The following ROBO1 variants were observed in gnomAD, a reference collection of about 807,000 sequenced individuals.
The protein encoded by ROBO1 is roundabout homolog 1.
Under a neutral mutation model 195.9 loss-of-function variants are expected in ROBO1, and 149 were observed. The observed-to-expected ratio is 0.76, with a 90% CI of 0.67 to 0.87. The LOEUF is 0.87. ROBO1 is among the 40% of genes least tolerant of loss of function. The probability of loss-of-function intolerance (pLI) is 0.00; values close to 1 mark genes in which losing one functional copy is unlikely to be tolerated. For synonymous variants in ROBO1, 816 were observed against 733.2 expected, an observed-to-expected ratio of 1.11 and a Z score of -1.82; for missense variants, 1,933 against 2,068.3, an observed-to-expected ratio of 0.93 and a Z score of 1.27.
At chr3:79,238,167 C>T (rs185341900) in intron 2 of ROBO1, among the ~76,000 whole-genome samples, 6 of 152,274 alleles carry the variant, frequency 3.9e-5, no homozygotes, top group East Asian at 3.9e-4. Context: ...TTATTTAGTA[C>T]ATTTTCAATT....
chr3:79,597,602 C>A (rs1439732587), intron 1 of ROBO1, among the ~76,000 whole-genome samples: 1 of 151,962 alleles, frequency 6.6e-6, no homozygotes, highest in African/African-American at 2.4e-5. Flanking sequence ...CAGGCAAATG[C>A]TATACCTTTA....
intron 4 of ROBO1, among the ~76,000 whole-genome samples, chr3:78,831,698 T>C (rs2032225470): frequency 1.3e-5 from 2 of 152,208 alleles, no homozygotes; most frequent in African/African-American, 4.8e-5. Flanking sequence ...CAAGACTGTG[T>C]AATTTATAAA....
intron 2 of ROBO1, among the ~76,000 whole-genome samples, chr3:79,165,848 A>G (rs2081054165): frequency 6.6e-6 from 1 of 152,216 alleles, no homozygotes; most frequent in Admixed American, 6.5e-5. Context: ...TGATGTGATT[A>G]AGTCCATAAT....
At chr3:78,610,358 T>C (rs1703738369) in intron 28 of ROBO1, among the ~76,000 whole-genome samples, 1 of 152,180 alleles carries the variant, frequency 6.6e-6, no homozygotes, top group African/African-American at 2.4e-5. Context: ...GAAAACAGGC[T>C]GTATCAAGTA....
At chr3:79,328,029 CA>C (rs1390403417) in intron 2 of ROBO1, among the ~76,000 whole-genome samples, 1 of 151,924 alleles carries the variant, frequency 6.6e-6, no homozygotes, top group Non-Finnish European at 1.5e-5. Context: ...AGCTATTAAC[CA>C]AGTATATTTT....
At chr3:78,613,766 T>C (rs953651770) in intron 28 of ROBO1, among the ~76,000 whole-genome samples, 4 of 152,226 alleles carry the variant, frequency 2.6e-5, no homozygotes, top group African/African-American at 9.6e-5. Flanking sequence ...GATAAGGATC[T>C]ATAATATTAG....
chr3:79,252,149 T>C (rs1413068059), intron 2 of ROBO1, among the ~76,000 whole-genome samples: 2 of 152,312 alleles, frequency 1.3e-5, no homozygotes, highest in East Asian at 3.9e-4. Context: ...ACGTATTTTA[T>C]TATTTCTGGT....
intron 1 of ROBO1, among the ~76,000 whole-genome samples, chr3:79,686,209 T>G (rs1947107972): frequency 6.6e-6 from 1 of 152,194 alleles, no homozygotes; most frequent in Non-Finnish European, 1.5e-5. Context: ...TAGGTATTGA[T>G]GGGACATATC....
At chr3:79,197,511 G>A (rs1576802147) in intron 2 of ROBO1, among the ~76,000 whole-genome samples, 1 of 152,026 alleles carries the variant, frequency 6.6e-6, no homozygotes. Context: ...GTGTGCATGT[G>A]TCTTTATAGT....
chr3:78,612,193 A>G (rs183291556), intron 28 of ROBO1, among the ~76,000 whole-genome samples: 131 of 152,338 alleles, frequency 8.6e-4, no homozygotes, highest in African/African-American at 3.1e-3. Context: ...CTGACAAACC[A>G]TATTCTGAAC....
At chr3:78,793,446 A>G (rs917766288) in intron 4 of ROBO1, among the ~76,000 whole-genome samples, 1 of 152,208 alleles carries the variant, frequency 6.6e-6, no homozygotes, top group Non-Finnish European at 1.5e-5. Context: ...TTCTGATTAT[A>G]CTTAGCCTTA....
At chr3:79,233,267 T>G (rs1248951300) in intron 2 of ROBO1, among the ~76,000 whole-genome samples, 1 of 152,092 alleles carries the variant, frequency 6.6e-6, no homozygotes, top group East Asian at 1.9e-4. Context: ...CAAATGGGAC[T>G]TTATTTCTAT....
At chr3:78,625,602 G>A (rs934773915) in intron 26 of ROBO1, among the ~76,000 whole-genome samples, 1 of 152,136 alleles carries the variant, frequency 6.6e-6, no homozygotes, top group Admixed American at 6.6e-5. Flanking sequence ...GGATGATGGC[G>A]TAAAGGCGAG....
intron 3 of ROBO1, among the ~76,000 whole-genome samples, chr3:79,057,493 C>T (rs2078833393): frequency 1.3e-5 from 2 of 152,100 alleles, no homozygotes; most frequent in Middle Eastern, 3.4e-3. Flanking sequence ...AGCTGGCACA[C>T]CAAATCAAAA....
At chr3:78,655,843 T>C (rs1352077920) in intron 18 of ROBO1, among the ~76,000 whole-genome samples, 3 of 152,214 alleles carry the variant, frequency 2.0e-5, no homozygotes, top group African/African-American at 7.2e-5. Flanking sequence ...TAATAACATA[T>C]ACTAATATTT....
intron 2 of ROBO1, among the ~76,000 whole-genome samples, chr3:79,296,735 G>A (rs1163385212): frequency 6.6e-6 from 1 of 152,134 alleles, no homozygotes; most frequent in Non-Finnish European, 1.5e-5. Flanking sequence ...AGTCTCCTTT[G>A]AGAGAGACCT....
At position 79,626,361 on chromosome 3, in the gene ROBO1, C is replaced by A. The variant is rs375464985; in HGVS notation, c.-50-36400G>T. Among the ~76,000 whole-genome samples the A allele has an allele frequency of 1.1e-4, 16 of 152,074 alleles. 1 individual carries two copies. Among genetic ancestry groups the A allele is most frequent in the African/African-American group, 3.9e-4 (16 of 41,504 alleles). The stretch of plus-strand genomic sequence containing the variant: ...CCGAGGCAGGAATATCACTTGAACC[C>A]GGGAGGTGGAGCTTGCAGTGAGCCA... On this transcript the variant is annotated intron_variant, in intron 1 of 30. Transcript: ENST00000464233.
At chr3:78,740,027 A>C (rs2082486781) in intron 5 of ROBO1, among the ~76,000 whole-genome samples, 1 of 152,192 alleles carries the variant, frequency 6.6e-6, no homozygotes. Flanking sequence ...AGATGTAGTG[A>C]CTGCATTAGC....
intron 2 of ROBO1, among the ~76,000 whole-genome samples, chr3:79,311,618 A>G (rs998398773): frequency 2.4e-4 from 37 of 152,172 alleles, no homozygotes; most frequent in African/African-American, 8.2e-4. Context: ...GTTGAGGAAG[A>G]CAACTGAAAT....
Sources: gnomAD v4.1 joint callset for allele counts (sites outside exome capture counted in the v4.1 genomes callset) on GRCh38, gnomAD v4.1.1 for gene constraint, MANE v1.5 for transcripts, NCBI Gene and HGNC (gene_info 2026-07-23, HGNC 2026-07-21) for gene names.